CTNND2: variants seen among roughly 807,000 people sequenced by gnomAD.
The protein encoded by CTNND2 is catenin delta-2.
CTNND2 carries 22 observed loss-of-function variants against 144.4 expected under a neutral mutation model. That is an observed-to-expected ratio of 0.15 (90% CI 0.11 to 0.22). The LOEUF (loss-of-function observed/expected upper bound fraction) is 0.22. CTNND2 is among the 10% of genes least tolerant of loss of function. The pLI is 1.00. For synonymous variants in CTNND2, 751 were observed against 695.6 expected (o/e 1.08, Z -1.25); for missense variants, 1,353 against 1,618.8 (o/e 0.84, Z 2.82).
chr5:11,643,390 C>G lies in CTNND2; in HGVS notation c.175-78334G>C, dbSNP rs1371983286. 6.2e-5 allele frequency among the ~76,000 whole-genome samples: 7 copies of G among 112,664 alleles called. No individual in the cohort carries two copies. The East Asian group carries it at 2.4e-3, about 39-fold the overall frequency. 73.9% of individuals were successfully genotyped at this position (112,664 alleles called of 152,430 possible). On this transcript the variant is annotated intron_variant, in intron 2 of 21. Transcript: ENST00000304623. ...CCTAATGCTATCCCTCCCCCCTCCC[C>G]CCACCCCACAACAGTTCCCGGTGTG...
chr5:11,629,432 T>C (rs1781313683), intron 2 of CTNND2, among the ~76,000 whole-genome samples: 2 of 152,142 alleles, frequency 1.3e-5, no homozygotes, highest in Admixed American at 6.6e-5. Context: ...GTTAAAATTC[T>C]CCAGGTCACT....
intron 1 of CTNND2, among the ~76,000 whole-genome samples, chr5:11,889,348 T>G (rs1365495680): frequency 6.6e-6 from 1 of 152,184 alleles, no homozygotes; most frequent in Non-Finnish European, 1.5e-5. Flanking sequence ...AGATACAATT[T>G]AGAGCAGATT....
At chr5:11,894,820 G>T (rs1400329998) in intron 1 of CTNND2, among the ~76,000 whole-genome samples, 1 of 152,192 alleles carries the variant, frequency 6.6e-6, no homozygotes, top group Admixed American at 6.5e-5. Context: ...CCAGGGTGCT[G>T]CAGTGTCTGT....
At chr5:11,056,555 C>T (rs372261726) in intron 16 of CTNND2, among the ~76,000 whole-genome samples, 2 of 152,162 alleles carry the variant, frequency 1.3e-5, no homozygotes, top group Non-Finnish European at 2.9e-5. Context: ...TGGGCTCAAG[C>T]GATCCTTCTG....
chr5:11,305,985 G>A (rs898724274), intron 9 of CTNND2, among the ~76,000 whole-genome samples: 4 of 152,262 alleles, frequency 2.6e-5, no homozygotes, highest in Non-Finnish European at 4.4e-5. Flanking sequence ...GATGGGACAT[G>A]AGGGTAGGCA....
chr5:11,306,417 G>A (rs552132195), intron 9 of CTNND2, among the ~76,000 whole-genome samples: 35 of 152,294 alleles, frequency 2.3e-4, no homozygotes, highest in Admixed American at 5.2e-4. Context: ...AAGGCTGTTA[G>A]AACATCTTTT....
rs1391197764 is a variant in CTNND2 at position 11,339,227 on chromosome 5, C to T, written c.1628+7145G>A. Among the ~76,000 whole-genome samples, 2 of 292 alleles carry T rather than the reference C, an allele frequency of 6.8e-3. 1 individual carries two copies. The highest frequency in any genetic ancestry group is 0.1 in the South Asian group (2 of 20). The allele number at this position is 292 out of a possible 152,430, so 0.2% of individuals were successfully genotyped here. ...TGCTGGGATTACAGGCGTGAGCCAC[C>T]GCGCCCGGCCCAGTTCCTTCATTTT... On this transcript the variant is annotated intron_variant, in intron 9 of 21. Transcript: ENST00000304623.
intron 14 of CTNND2, among the ~76,000 whole-genome samples, chr5:11,101,887 A>ATGTATG (rs376555832): frequency 6.9e-6 from 1 of 145,188 alleles, no homozygotes; most frequent in Non-Finnish European, 1.5e-5. Context: ...ACGACCACAT[A>ATGTATG]TGTGTGTGTG....
At chr5:11,239,449 C>T (rs1741984084) in intron 9 of CTNND2, among the ~76,000 whole-genome samples, 1 of 152,212 alleles carries the variant, frequency 6.6e-6, no homozygotes, top group South Asian at 2.1e-4. Context: ...CCCTTCCCTC[C>T]CCACTTCTGT....
intron 10 of CTNND2, among the ~76,000 whole-genome samples, chr5:11,207,323 T>A (rs1738152080): frequency 6.6e-6 from 1 of 151,248 alleles, no homozygotes; most frequent in African/African-American, 2.4e-5. Flanking sequence ...CAACATGGCA[T>A]GTGTATATCT....
At chr5:11,462,898 G>T (rs1766346038) in intron 3 of CTNND2, among the ~76,000 whole-genome samples, 1 of 151,602 alleles carries the variant, frequency 6.6e-6, no homozygotes, top group African/African-American at 2.4e-5. Flanking sequence ...AGCTGCCTCG[G>T]CCTCATGTGG....
chr5:11,218,475 G>A (rs2149859917), intron 10 of CTNND2, among the ~76,000 whole-genome samples: 1 of 152,256 alleles, frequency 6.6e-6, no homozygotes, highest in East Asian at 1.9e-4. Context: ...GTAAGGGAAT[G>A]AGCATATCTT....
chr5:11,312,148 C>T (rs1751027056), intron 9 of CTNND2, among the ~76,000 whole-genome samples: 1 of 148,086 alleles, frequency 6.8e-6, no homozygotes, highest in Non-Finnish European at 1.5e-5. Flanking sequence ...TCCCCCACCA[C>T]ACACACACTC....
At chr5:11,207,381 A>AT (rs201335096) in intron 10 of CTNND2, among the ~76,000 whole-genome samples, 59 of 150,530 alleles carry the variant, frequency 3.9e-4, no homozygotes, top group African/African-American at 1.4e-3. Context: ...AACTTCAAGT[A>AT]TTTAAAAAAA....
At chr5:11,430,538 A>G (rs1373161007) in intron 3 of CTNND2, among the ~76,000 whole-genome samples, 1 of 152,186 alleles carries the variant, frequency 6.6e-6, no homozygotes, top group Non-Finnish European at 1.5e-5. Flanking sequence ...CTTGAAATTT[A>G]GAATTTTAAT....
In CTNND2 at chr5:11,174,028, G is replaced by A. The variant is rs567815518; in HGVS notation, c.1976-14269C>T. Among the ~76,000 whole-genome samples the A allele has an allele frequency of 1.0e-3, 158 of 152,262 alleles. 1 individual carries two copies. Among genetic ancestry groups the A allele is most frequent in the African/African-American group, 3.6e-3 (151 of 41,550 alleles). On this transcript the variant is annotated intron_variant, in intron 11 of 21. Coordinates refer to ENST00000304623, the MANE Select transcript of CTNND2 (RefSeq NM_001332.4). Reference sequence around the variant, plus strand: ...AGATGGACGTGGTCAAGTCTGAGACGTAATTCAGACGTAACACTGGCTGGC... The same window carrying A: ...AGATGGACGTGGTCAAGTCTGAGACATAATTCAGACGTAACACTGGCTGGC...
In CTNND2 at chr5:11,346,452, G is replaced by C; in HGVS notation, c.1548C>G (p.Tyr516Ter). 2 of 1,588,528 alleles carry C rather than the reference G, an allele frequency of 1.3e-6. No homozygotes were observed. Among genetic ancestry groups the C allele is most frequent in the Non-Finnish European group, 1.7e-6 (2 of 1,166,256 alleles). Residue 516 changes from tyrosine to a stop codon, truncating the protein, a stop_gained, in exon 9 of 22, where the codon TAC becomes TAG. Transcript: ENST00000304623. LOFTEE classifies it high-confidence loss of function. ...GCGGGAGAGCAGGGCCGGATTTGCT[G>C]TATGGAGACTCAACAGAGGGACAAT... The part of the protein sequence containing the change: ...LQYCPSVESP[Y>*]SKSGPALPPE...
intron 9 of CTNND2, among the ~76,000 whole-genome samples, chr5:11,265,748 C>G (rs1297593679): frequency 7.0e-6 from 1 of 142,824 alleles, no homozygotes; most frequent in Non-Finnish European, 1.5e-5. Context: ...CTCTGTAGCC[C>G]AGGCTGGAAT....
chr5:11,821,803 A>G (rs1793326119), intron 1 of CTNND2, among the ~76,000 whole-genome samples: 1 of 152,210 alleles, frequency 6.6e-6, no homozygotes, highest in African/African-American at 2.4e-5. Context: ...TATTTAGTTG[A>G]GAAAAACTAA....
Sources: gnomAD v4.1 joint callset for allele counts (sites outside exome capture counted in the v4.1 genomes callset) on GRCh38, gnomAD v4.1.1 for gene constraint, MANE v1.5 for transcripts, NCBI Gene and HGNC (gene_info 2026-07-23, HGNC 2026-07-21) for gene names.